FAM168B: variants seen among roughly 807,000 people sequenced by gnomAD.
FAM168B encodes family with sequence similarity 168 member B.
A neutral mutation model predicts 21.8 loss-of-function variants in FAM168B; 19 were observed. The observed-to-expected ratio is 0.87, with a 90% confidence interval of 0.61 to 1.28. The LOEUF is 1.28. FAM168B is among the 50% of genes most tolerant of loss of function. The pLI, the probability that FAM168B is intolerant of heterozygous loss-of-function variation, is 0.00. For synonymous variants in FAM168B, 126 were observed against 104.8 expected (o/e 1.20, Z -1.24); for missense variants, 233 against 263.1 (o/e 0.89, Z 0.79).
At chr2:131,068,618 C>G (rs763556161) in intron 3 of FAM168B, among the ~76,000 whole-genome samples, 122 of 152,154 alleles carry the variant, frequency 8.0e-4, no homozygotes, top group Admixed American at 1.8e-3. Context: ...GCAGTTGCTA[C>G]CTGCCTGTCC....
intron 3 of FAM168B, among the ~76,000 whole-genome samples, chr2:131,065,530 T>C (rs1201578798): frequency 6.6e-6 from 1 of 152,136 alleles, no homozygotes; most frequent in African/African-American, 2.4e-5. Context: ...GGCTCATGTC[T>C]GTAATCCCAG....
intron 3 of FAM168B, among the ~76,000 whole-genome samples, chr2:131,067,328 G>A (rs1227493694): frequency 6.6e-6 from 1 of 152,176 alleles, no homozygotes; most frequent in Non-Finnish European, 1.5e-5. Context: ...ATCACAATTG[G>A]AAGAGGGCTA....
chr2:131,052,150 TTTTGTG>T lies in FAM168B; in HGVS notation c.*309_*314del. 1 of 985,764 alleles carries T rather than the reference TTTTGTG, an allele frequency of 1.0e-6. No homozygotes were observed. The highest frequency in any genetic ancestry group is 1.2e-6 in the Non-Finnish European group (1 of 829,920). The allele number at this position is 985,764 out of a possible 1,614,324, so 61.1% of individuals were successfully genotyped here. ...TCACTGCAGGTAGATTGAGCAAGCT[TTTTGTG>T]TTTGTTTTTTTAAACATGCATTCAA... On this transcript the variant is annotated 3_prime_UTR_variant, in exon 7 of 7. Transcript: ENST00000389915.
chr2:131,052,557 T>G (rs1440273298), intron 6 of FAM168B, 105 bp from the exon 7 acceptor site: 4 of 896,108 alleles, frequency 4.5e-6, no homozygotes, highest in Admixed American at 5.1e-5. Context: ...AGGGCAGCAA[T>G]GGGCAAAACT....
At chr2:131,090,781 G>A (rs1693979471) in intron 1 of FAM168B, among the ~76,000 whole-genome samples, 1 of 151,944 alleles carries the variant, frequency 6.6e-6, no homozygotes, top group South Asian at 2.1e-4. Flanking sequence ...CAGGCTGGAG[G>A]GCAGTGGCAC....
chr2:131,083,594 G>A (rs1259822057), intron 1 of FAM168B, among the ~76,000 whole-genome samples: 31 of 152,160 alleles, frequency 2.0e-4, no homozygotes, highest in Admixed American at 2.0e-3. Context: ...TCTAACAGAG[G>A]ATAGTTAAGT....
chr2:131,087,632 T>C (rs775726769), intron 1 of FAM168B, among the ~76,000 whole-genome samples: 5 of 152,142 alleles, frequency 3.3e-5, no homozygotes, highest in Non-Finnish European at 5.9e-5. Flanking sequence ...CAGTAATAGA[T>C]GATTGTGGAG....
At position 131,051,829 on chromosome 2, in the gene FAM168B, C is replaced by G. The variant is rs558084706; in HGVS notation, c.*636G>C. ...AAGGGATGTCCATGAACCAGCTGCA[C>G]CCAAGCAGCTGTGGCTTCCCTACTC... On this transcript the variant is annotated 3_prime_UTR_variant, in exon 7 of 7. Transcript: ENST00000389915. 2 of 985,432 alleles carry G rather than the reference C, an allele frequency of 2.0e-6. No individual in the cohort carries two copies. The highest frequency in any genetic ancestry group is 4.7e-5 in the South Asian group (1 of 21,288). The allele number at this position is 985,432 out of a possible 1,614,324, so 61.0% of individuals were successfully genotyped here. A position where few individuals can be genotyped will look rare whatever the true frequency, so the allele number is the denominator to read the frequency against.
At chr2:131,076,466 G>A (rs546572463) in intron 2 of FAM168B, among the ~76,000 whole-genome samples, 37 of 151,914 alleles carry the variant, frequency 2.4e-4, no homozygotes, top group Admixed American at 3.9e-4. Context: ...TTGAGACCAC[G>A]ATGAAACCCC....
intron 3 of FAM168B, among the ~76,000 whole-genome samples, chr2:131,058,906 T>C (rs997556253): frequency 3.3e-5 from 5 of 152,100 alleles, no homozygotes; most frequent in Non-Finnish European, 7.4e-5. Flanking sequence ...TCTTTAATTA[T>C]AAAGAAAAAG....
At chr2:131,080,165 C>T (rs1693362848) in intron 2 of FAM168B, among the ~76,000 whole-genome samples, 1 of 151,556 alleles carries the variant, frequency 6.6e-6, no homozygotes, top group Non-Finnish European at 1.5e-5. Context: ...GTCAATGACT[C>T]CAGAGAGAAA....
intron 3 of FAM168B, among the ~76,000 whole-genome samples, chr2:131,056,598 C>G (rs1042246644): frequency 2.6e-5 from 4 of 152,136 alleles, no homozygotes; most frequent in African/African-American, 9.7e-5. Context: ...GGTTTGGTCT[C>G]AGGGGAGGGA....
Position 131,052,189 on chromosome 2 carries a change from T to C in FAM168B, c.*276A>G, listed in dbSNP as rs757004717. 61 of 985,670 alleles carry C rather than the reference T, an allele frequency of 6.2e-5. No individual in the cohort carries two copies. The Middle Eastern group carries it at 3.1e-3, about 50-fold the overall frequency. The allele number at this position is 985,670 out of a possible 1,614,324, so 61.1% of individuals were successfully genotyped here. A position where few individuals can be genotyped will look rare whatever the true frequency, so the allele number is the denominator to read the frequency against. Reference sequence around the variant, plus strand: ...TTTTAAACATGCATTCAACTAGATATGATTCAGAATAGATTAATACTCCCT... The same window carrying C: ...TTTTAAACATGCATTCAACTAGATACGATTCAGAATAGATTAATACTCCCT... On this transcript the variant is annotated 3_prime_UTR_variant, in exon 7 of 7. Transcript: ENST00000389915.
At chr2:131,089,634 T>C (rs985364523) in intron 1 of FAM168B, among the ~76,000 whole-genome samples, 6 of 147,998 alleles carry the variant, frequency 4.1e-5, no homozygotes, top group Non-Finnish European at 3.0e-5. Context: ...AGGAGAATGG[T>C]GTGAACCCGG....
chr2:131,075,933 CT>C (rs1250308630), intron 2 of FAM168B, among the ~76,000 whole-genome samples: 1 of 152,194 alleles, frequency 6.6e-6, no homozygotes, highest in Non-Finnish European at 1.5e-5. Context: ...TCCCAATCTC[CT>C]AGACAGCCTC....
chr2:131,066,159 A>ATTT, intron 3 of FAM168B, among the ~76,000 whole-genome samples: 1 of 144,738 alleles, frequency 6.9e-6, no homozygotes, highest in East Asian at 2.0e-4. Context: ...CAACATTTGT[A>ATTT]TCTTTTTTTT....
intron 2 of FAM168B, among the ~76,000 whole-genome samples, chr2:131,074,863 T>C (rs1432087029): frequency 6.6e-6 from 1 of 152,138 alleles, no homozygotes; most frequent in Non-Finnish European, 1.5e-5. Context: ...CCCTAAGCCA[T>C]CTTGCAGGTT....
chr2:131,048,438 C>A lies in FAM168B; in HGVS notation c.*4027G>T. 1 of 1,207,970 alleles carries A rather than the reference C, an allele frequency of 8.3e-7. No individual in the cohort carries two copies. The highest frequency in any genetic ancestry group is 1.1e-6 in the Non-Finnish European group (1 of 935,928). The allele number at this position is 1,207,970 out of a possible 1,614,324, so 74.8% of individuals were successfully genotyped here. A position where few individuals can be genotyped will look rare whatever the true frequency, so the allele number is the denominator to read the frequency against. ...GGGTCCCTACACAGACGCCGCTCAT[C>A]CTCTGTCTCCCCTTCCCAAGTGACT... is the stretch of plus-strand genomic sequence containing the variant. On this transcript the variant is annotated 3_prime_UTR_variant, in exon 7 of 7. Transcript: ENST00000389915.
At chr2:131,062,485 T>C (rs559083686) in intron 3 of FAM168B, among the ~76,000 whole-genome samples, 1 of 152,344 alleles carries the variant, frequency 6.6e-6, no homozygotes, top group South Asian at 2.1e-4. Flanking sequence ...TCTCGCTCTG[T>C]TGCCCAGGTT....
Sources: gnomAD v4.1 joint callset for allele counts (sites outside exome capture counted in the v4.1 genomes callset) on GRCh38, gnomAD v4.1.1 for gene constraint, MANE v1.5 for transcripts, NCBI Gene and HGNC (gene_info 2026-07-23, HGNC 2026-07-21) for gene names.